The following FBN1 variants were observed in gnomAD, a reference collection of about 807,000 sequenced individuals.
FBN1 encodes fibrillin-1.
FBN1 carries 29 observed loss-of-function variants against 365.1 expected under a neutral mutation model. The ratio of observed to expected loss-of-function variants is 0.08; its 90% CI spans 0.06 to 0.11. FBN1 has a LOEUF of 0.11. Ranked by LOEUF, FBN1 falls within the 10% of genes least tolerant of loss-of-function variation. The probability of loss-of-function intolerance (pLI) is 1.00; values close to 1 mark genes in which losing one functional copy is unlikely to be tolerated. For synonymous variants in FBN1, 1,210 were observed against 1,270.5 expected (o/e 0.95, Z 1.01); for missense variants, 2,476 against 3,703.2 (o/e 0.67, Z 8.60).
At chr15:48,563,220 G>A (rs2044237183) in intron 6 of FBN1, among the ~76,000 whole-genome samples, 1 of 152,268 alleles carries the variant, frequency 6.6e-6, no homozygotes, top group East Asian at 1.9e-4. Context: ...CAGGCGGCCA[G>A]CTCTCCTTTT....
chr15:48,514,115 GT>G (rs781267675), intron 12 of FBN1, among the ~76,000 whole-genome samples: 5 of 152,178 alleles, frequency 3.3e-5, no homozygotes, highest in Non-Finnish European at 5.9e-5. Context: ...TGAAGCAACT[GT>G]TGTTTAAAGG....
intron 4 of FBN1, 107 bp downstream of exon 4, chr15:48,610,621 A>G (rs2044648973): frequency 1.2e-6 from 1 of 809,560 alleles, no homozygotes; most frequent in Non-Finnish European, 2.1e-6. Context: ...CAGATGTTCT[A>G]GTGAAAAAAT....
chr15:48,638,500 G>C (rs1011478136), intron 2 of FBN1, among the ~76,000 whole-genome samples: 1 of 151,926 alleles, frequency 6.6e-6, no homozygotes, highest in African/African-American at 2.4e-5. Flanking sequence ...CTGAAACTCT[G>C]CATCCCTTGT....
chr15:48,548,889 T>G (rs1173807362), intron 6 of FBN1, among the ~76,000 whole-genome samples: 3 of 152,184 alleles, frequency 2.0e-5, no homozygotes, highest in African/African-American at 4.8e-5. Flanking sequence ...TTAACAATAA[T>G]TAAAATGGAA....
At position 48,496,200 on chromosome 15, in the gene FBN1, A is replaced by G. The variant is rs1478632942; in HGVS notation, c.2319T>C (p.Ser773=). 6.2e-7 allele frequency: 1 copy of G among 1,613,804 alleles called. No homozygotes were observed. Among genetic ancestry groups the G allele is most frequent in the Non-Finnish European group, 8.5e-7 (1 of 1,179,788 alleles). Reference sequence around the variant, plus strand: ...TACATTGTCCATTGTCACAAAGGAGACTGTTCAGTACACATTCATTAATAT... The same window carrying G: ...TACATTGTCCATTGTCACAAAGGAGGCTGTTCAGTACACATTCATTAATAT... The part of the protein sequence containing the change: ...CVDINECVLN[S]LLCDNGQCRN... Residue 773 remains serine, a synonymous_variant, in exon 20 of 66, where the codon AGT becomes AGC. Coordinates refer to ENST00000316623, the MANE Select transcript of FBN1 (RefSeq NM_000138.5).
chr15:48,580,886 G>A (rs1009749235), intron 6 of FBN1, among the ~76,000 whole-genome samples: 6 of 152,150 alleles, frequency 3.9e-5, no homozygotes, highest in Non-Finnish European at 8.8e-5. Flanking sequence ...TAGCGAGCCA[G>A]AGGGGTAGGA....
chr15:48,468,263 G>A, intron 37 of FBN1, 149 bp downstream of exon 37: 1 of 1,337,628 alleles, frequency 7.5e-7, no homozygotes, highest in Non-Finnish European at 1.1e-6. Context: ...TTTTCCCTAT[G>A]GAAAAGATAT....
At chr15:48,497,509 T>A in intron 18 of FBN1, 118 bp from the exon 19 acceptor site, 1 of 925,970 alleles carries the variant, frequency 1.1e-6, no homozygotes, top group Non-Finnish European at 1.7e-6. Flanking sequence ...AGGAAAAAAA[T>A]CGATTTCACT....
At chr15:48,555,654 T>A (rs1364283488) in intron 6 of FBN1, among the ~76,000 whole-genome samples, 1 of 152,112 alleles carries the variant, frequency 6.6e-6, no homozygotes, top group Non-Finnish European at 1.5e-5. Context: ...GAGAGTCTTG[T>A]TTATCTCTGA....
At chr15:48,634,417 C>G (rs1158402530) in intron 2 of FBN1, among the ~76,000 whole-genome samples, 1 of 152,152 alleles carries the variant, frequency 6.6e-6, no homozygotes, top group African/African-American at 2.4e-5. Flanking sequence ...GTCGCCTGGT[C>G]CCAATGCTGC....
intron 6 of FBN1, among the ~76,000 whole-genome samples, chr15:48,576,976 C>T (rs986094078): frequency 6.6e-5 from 10 of 152,256 alleles, no homozygotes; most frequent in Middle Eastern, 3.4e-3. Context: ...TTATTGCCCT[C>T]ATATAAGGAA....
chr15:48,459,075 T>C (rs1457874444), intron 43 of FBN1, among the ~76,000 whole-genome samples: 1 of 152,204 alleles, frequency 6.6e-6, no homozygotes, highest in African/African-American at 2.4e-5. Flanking sequence ...AGCAAGGCAT[T>C]TGGACTAGAT....
At position 48,596,322 on chromosome 15, in the gene FBN1, C is replaced by T. The variant is rs1566934700; in HGVS notation, c.499G>A (p.Ala167Thr). Residue 167 changes from alanine (A) to threonine (T), a missense_variant, in exon 6 of 66, where the codon GCA (alanine) becomes ACA (threonine). By Grantham distance (58) the Ala-to-Thr change is moderately conservative. Coordinates refer to ENST00000316623, the MANE Select transcript of FBN1 (RefSeq NM_000138.5). ...GGTCCAGTAAATCCGTAAGTGCATG[C>T]ACATCGATTTGGGGCCACACACCTT... The part of the protein sequence containing the change: ...GGRCVAPNRC[A>T]CTYGFTGPQC... 5 of 1,614,052 alleles carry T rather than the reference C, an allele frequency of 3.1e-6. No homozygotes were observed. The highest frequency in any genetic ancestry group is 2.5e-6 in the Non-Finnish European group (3 of 1,179,932).
At chr15:48,632,721 G>T (rs1422175379) in intron 2 of FBN1, among the ~76,000 whole-genome samples, 1 of 152,146 alleles carries the variant, frequency 6.6e-6, no homozygotes, top group Non-Finnish European at 1.5e-5. Flanking sequence ...GCTCAAATAG[G>T]AAATAGTGTG....
At chr15:48,545,230 G>T (rs557174668) in intron 6 of FBN1, among the ~76,000 whole-genome samples, 1 of 152,040 alleles carries the variant, frequency 6.6e-6, no homozygotes, top group South Asian at 2.1e-4. Flanking sequence ...AATTGTCAGG[G>T]GCAACATATT....
chr15:48,566,237 C>T (rs1442427684), intron 6 of FBN1, among the ~76,000 whole-genome samples: 5 of 152,136 alleles, frequency 3.3e-5, no homozygotes, highest in Non-Finnish European at 5.9e-5. Context: ...TTTTCATTTG[C>T]TTTTAAGCAA....
intron 6 of FBN1, among the ~76,000 whole-genome samples, chr15:48,588,692 T>C (rs1409752300): frequency 6.6e-6 from 1 of 152,230 alleles, no homozygotes; most frequent in African/African-American, 2.4e-5. Flanking sequence ...AAGTGGGTGA[T>C]GATGACCTCT....
chr15:48,571,095 G>A (rs1413379505), intron 6 of FBN1, among the ~76,000 whole-genome samples: 1 of 152,204 alleles, frequency 6.6e-6, no homozygotes, highest in African/African-American at 2.4e-5. Flanking sequence ...ACAAATGCTA[G>A]ATTCCCACTG....
intron 2 of FBN1, among the ~76,000 whole-genome samples, chr15:48,625,063 C>A (rs1250339652): frequency 6.6e-6 from 1 of 152,196 alleles, no homozygotes; most frequent in Non-Finnish European, 1.5e-5. Context: ...AGAATGAGGT[C>A]TTTCAGGAAC....
Sources: gnomAD v4.1 joint callset for allele counts (sites outside exome capture counted in the v4.1 genomes callset) on GRCh38, gnomAD v4.1.1 for gene constraint, MANE v1.5 for transcripts, NCBI Gene and HGNC (gene_info 2026-07-23, HGNC 2026-07-21) for gene names.